Variants in LETM2 observed in about 807,000 individuals in gnomAD.
LETM2 encodes the protein leucine zipper and EF-hand containing transmembrane protein 2.
In LETM2, 58 loss-of-function variants were observed where a neutral mutation model predicts 59.6. The observed-to-expected ratio is 0.97, with a 90% CI of 0.79 to 1.21. The LOEUF (loss-of-function observed/expected upper bound fraction) is 1.21. LETM2 is among the 50% of genes most tolerant of loss of function. LETM2 has a pLI of 0.00. For missense variants in LETM2, 572 were observed against 575.7 expected (o/e 0.99, Z 0.07); for synonymous variants, 199 against 214.1 (o/e 0.93, Z 0.62).
intron 2 of LETM2, among the ~76,000 whole-genome samples, chr8:38,389,760 G>A (rs1431493833): frequency 6.6e-6 from 1 of 151,948 alleles, no homozygotes; most frequent in Non-Finnish European, 1.5e-5. Context: ...CAACACTTTG[G>A]GAGGCCGAGG....
At position 38,400,860 on chromosome 8, in the gene LETM2, C is replaced by G; in HGVS notation, c.791C>G (p.Thr264Arg). Reference sequence around the variant, plus strand: ...TTTTGTCCCACTGCATAGGTCCAGACAGGCCACAAGCCCAGCACAAAGGAG... The same window carrying G: ...TTTTGTCCCACTGCATAGGTCCAGAGAGGCCACAAGCCCAGCACAAAGGAG... Reference protein sequence around the residue: ...QLSSYVKQVQTGHKPSTKEIV... With the variant: ...QLSSYVKQVQRGHKPSTKEIV... Residue 264 changes from threonine (T) to arginine (R), a missense_variant, in exon 6 of 11, where the codon ACA becomes AGA. By Grantham distance (71) the Thr-to-Arg change is moderately conservative. Coordinates refer to ENST00000379957, the MANE Select transcript of LETM2 (RefSeq NM_001286819.2). The G allele has an allele frequency of 4.3e-6, 7 of 1,614,062 alleles. No homozygotes were observed. The highest frequency in any genetic ancestry group is 5.9e-6 in the Non-Finnish European group (7 of 1,179,966).
At chr8:38,388,120 G>A (rs1044847444) in intron 2 of LETM2, 90 bp downstream of exon 2, 11 of 884,156 alleles carry the variant, frequency 1.2e-5, no homozygotes, top group South Asian at 4.6e-5. Flanking sequence ...GCACTCTGTC[G>A]CCCAGGCTGG....
intron 8 of LETM2, among the ~76,000 whole-genome samples, chr8:38,405,595 T>G (rs1813652001): frequency 6.6e-6 from 1 of 152,200 alleles, no homozygotes; most frequent in African/African-American, 2.4e-5. Context: ...ATTTCTAGAG[T>G]AATCTGGTTT....
chr8:38,403,618 T>C (rs1415323533), intron 7 of LETM2, among the ~76,000 whole-genome samples: 3 of 152,252 alleles, frequency 2.0e-5, no homozygotes, highest in Non-Finnish European at 2.9e-5. Context: ...ATTCTCATCA[T>C]TGTAAGAAAT....
chr8:38,407,481 A>G lies in LETM2; in HGVS notation c.1413+18A>G. On this transcript the variant is annotated intron_variant, in intron 10 of 10. Coordinates refer to ENST00000379957, the MANE Select transcript of LETM2 (RefSeq NM_001286819.2). ...AAGAACCTGTAAGTATCTTTAATAA[A>G]TGAAAAAGAAAGAGAAGACCCTTTC... is the stretch of plus-strand genomic sequence containing the variant. 2.0e-6 allele frequency: 3 copies of G among 1,499,316 alleles called. No individual in the cohort carries two copies. The highest frequency in any genetic ancestry group is 2.8e-6 in the Non-Finnish European group (3 of 1,077,176). 92.9% of individuals were successfully genotyped at this position (1,499,316 alleles called of 1,614,324 possible).
chr8:38,396,506 A>G (rs191384432), intron 4 of LETM2, among the ~76,000 whole-genome samples: 2 of 152,034 alleles, frequency 1.3e-5, no homozygotes, highest in East Asian at 1.9e-4. Flanking sequence ...ATATAGATTC[A>G]TTTCTCTCTT....
In LETM2 at chr8:38,408,272, T is replaced by TA; in HGVS notation, c.*1dup. ...QNSKASSKGA[*] ...CAGCAAGGCTAGTTCAAAAGGAGCA[T>TA]AAAGGACTACTTGAGGATGGAGCTC... The change falls in exon 11 of 11, where the codon TAA becomes TAAA. Residue 492 remains the stop codon, a frameshift_variant and stop_retained_variant. Transcript: ENST00000379957. LOFTEE classifies it high-confidence loss of function. 1 of 1,612,268 alleles carries TA rather than the reference T, an allele frequency of 6.2e-7. No homozygotes were observed. The highest frequency in any genetic ancestry group is 8.5e-7 in the Non-Finnish European group (1 of 1,179,108).
At chr8:38,406,079 AAGC>A (rs1327914363) in intron 8 of LETM2, among the ~76,000 whole-genome samples, 1 of 152,148 alleles carries the variant, frequency 6.6e-6, no homozygotes, top group Non-Finnish European at 1.5e-5. Context: ...ATTACTTCCA[AAGC>A]ACAGTGATAT....
intron 3 of LETM2, chr8:38,393,335 A>G (rs1812447696): frequency 4.7e-6 from 1 of 214,652 alleles, no homozygotes; most frequent in Non-Finnish European, 9.3e-6. Flanking sequence ...TAATATATTA[A>G]GCATATGCAT....
rs117126556 is a variant in LETM2, at chr8:38,388,054, A to G, written c.47+24A>G. 2,262 of 1,440,402 alleles carry G rather than the reference A, an allele frequency of 1.6e-3. 5 individuals carry two copies. Among genetic ancestry groups the G allele is most frequent in the Non-Finnish European group, 1.9e-3 (2,011 of 1,069,476 alleles). The allele number at this position is 1,440,402 out of a possible 1,614,324, so 89.2% of individuals were successfully genotyped here. On this transcript the variant is annotated intron_variant, in intron 2 of 10. Transcript: ENST00000379957. Reference sequence around the variant, plus strand: ...AGGTAAGCATTGGAGTTACCCCCCAATATGAACGTAATTCTTCTTCTTCTT... The same window carrying G: ...AGGTAAGCATTGGAGTTACCCCCCAGTATGAACGTAATTCTTCTTCTTCTT...
chr8:38,391,374 C>T (rs1282527299), intron 2 of LETM2, among the ~76,000 whole-genome samples: 1 of 139,626 alleles, frequency 7.2e-6, no homozygotes, highest in Non-Finnish European at 1.5e-5. Context: ...ACGATCTTGG[C>T]TTATTGCAAC....
intron 5 of LETM2, 71 bp downstream of exon 5, chr8:38,400,480 G>T (rs755493341): frequency 8.4e-6 from 12 of 1,427,386 alleles, no homozygotes; most frequent in Non-Finnish European, 1.1e-5. Flanking sequence ...TGTCATCATG[G>T]ATTTCCCAAA....
intron 7 of LETM2, among the ~76,000 whole-genome samples, chr8:38,404,045 C>CA (rs1378360534): frequency 6.6e-6 from 1 of 152,196 alleles, no homozygotes; most frequent in African/African-American, 2.4e-5. Context: ...TTTGTAGAGA[C>CA]AGAGTCACCC....
At chr8:38,401,383 C>T (rs1427687773) in intron 6 of LETM2, among the ~76,000 whole-genome samples, 4 of 152,126 alleles carry the variant, frequency 2.6e-5, no homozygotes, top group African/African-American at 7.2e-5. Context: ...GTGATCCACC[C>T]GCCTCAGCCT....
At chr8:38,387,317 C>G (rs1264436605) in intron 1 of LETM2, 1 of 152,270 alleles carries the variant, frequency 6.6e-6, no homozygotes, top group Non-Finnish European at 1.5e-5. Context: ...GCTCTTCTGC[C>G]GTTCCTCGCG....
At chr8:38,390,836 C>A in intron 2 of LETM2, among the ~76,000 whole-genome samples, 1 of 150,794 alleles carries the variant, frequency 6.6e-6, no homozygotes, top group Non-Finnish European at 1.5e-5. Flanking sequence ...GTGCACTCCA[C>A]CACGCCCAGC....
At chr8:38,389,897 G>T (rs557196380) in intron 2 of LETM2, among the ~76,000 whole-genome samples, 3 of 151,090 alleles carry the variant, frequency 2.0e-5, no homozygotes, top group African/African-American at 7.3e-5. Flanking sequence ...TACTCAGGAG[G>T]CTAAAGCAGG....
At chr8:38,402,391 C>T in intron 6 of LETM2, 134 bp from the exon 7 acceptor site, 1 of 913,986 alleles carries the variant, frequency 1.1e-6, no homozygotes, top group East Asian at 2.5e-5. Flanking sequence ...CCCTACGTCG[C>T]CTTTGCAGTA....
chr8:38,390,641 AAAAG>A (rs1474336796), intron 2 of LETM2, among the ~76,000 whole-genome samples: 2 of 149,890 alleles, frequency 1.3e-5, no homozygotes, highest in Non-Finnish European at 1.5e-5. Context: ...AAAAAAAAAA[AAAAG>A]AACCAAGACA....
Sources: gnomAD v4.1 joint callset for allele counts (sites outside exome capture counted in the v4.1 genomes callset) on GRCh38, gnomAD v4.1.1 for gene constraint, MANE v1.5 for transcripts, NCBI Gene and HGNC (gene_info 2026-07-23, HGNC 2026-07-21) for gene names.